The following SPTBN1 variants were observed in gnomAD, a reference collection of about 807,000 sequenced individuals.
The protein encoded by SPTBN1 is spectrin beta chain, non-erythrocytic 1.
Under a neutral mutation model 266.4 loss-of-function variants are expected in SPTBN1, and 32 were observed. The ratio of observed to expected loss-of-function variants is 0.12; its 90% CI spans 0.09 to 0.16. The LOEUF (loss-of-function observed/expected upper bound fraction) is 0.16. Among genes scored for constraint, SPTBN1 ranks in the 10% least tolerant of loss-of-function variants. The probability of loss-of-function intolerance (pLI) is 1.00; values close to 1 mark genes in which losing one functional copy is unlikely to be tolerated. For missense variants in SPTBN1, 2,296 were observed against 3,067.1 expected (o/e 0.75, Z 5.94); for synonymous variants, 1,336 against 1,162.2 (o/e 1.15, Z -3.04).
intron 3 of SPTBN1, 46 bp downstream of exon 3, chr2:54,599,289 A>G (rs755182423): frequency 6.3e-7 from 1 of 1,597,262 alleles, no homozygotes; most frequent in East Asian, 2.2e-5. Flanking sequence ...GGTGGAAAAT[A>G]TTTTTGAAAA....
rs757965817 is a variant in SPTBN1, at chr2:54,629,045, C to A, written c.1911C>A (p.Ser637=). The stretch of plus-strand genomic sequence containing the variant: ...AGCGCAGGGCCCGTCTGGAAGAGTC[C>A]CGCCGCCTCTGGAAGTTCTTCTGGG... ...AAERRARLEE[S]RRLWKFFWEM... The change falls in exon 14 of 36, where the codon TCC becomes TCA. Residue 637 remains serine (S), a synonymous_variant. Transcript: ENST00000356805. The A allele has an allele frequency of 5.6e-6, 9 of 1,613,636 alleles. No individual in the cohort carries two copies. Among genetic ancestry groups the A allele is most frequent in the Admixed American group, 5.0e-5 (3 of 60,006 alleles).
chr2:54,569,289 G>C (rs944384001), intron 2 of SPTBN1, among the ~76,000 whole-genome samples: 4 of 152,140 alleles, frequency 2.6e-5, no homozygotes, highest in Non-Finnish European at 5.9e-5. Context: ...GGGACTGGGG[G>C]TTGTTCTTTC....
At chr2:54,458,011 C>G (rs1693159687) in intron 1 of SPTBN1, among the ~76,000 whole-genome samples, 1 of 152,200 alleles carries the variant, frequency 6.6e-6, no homozygotes, top group Non-Finnish European at 1.5e-5. Context: ...TGTGCGGAGG[C>G]AATGTTGCAG....
chr2:54,584,132 T>G (rs1424435494), intron 2 of SPTBN1, among the ~76,000 whole-genome samples: 1 of 152,220 alleles, frequency 6.6e-6, no homozygotes, highest in African/African-American at 2.4e-5. Flanking sequence ...TACTGAATAT[T>G]ATACACTGTT....
At position 54,630,127 on chromosome 2, in the gene SPTBN1, G is replaced by T; in HGVS notation, c.2807+98G>T. The stretch of plus-strand genomic sequence containing the variant: ...TTGCTGTTGGGAATTTCCCACATGG[G>T]GTCATCGACATTGCAACACTGATGT... On this transcript the variant is annotated intron_variant, in intron 15 of 35. Transcript: ENST00000356805. 4.8e-6 allele frequency: 7 copies of T among 1,471,106 alleles called. No homozygotes were observed. The South Asian group carries it at 7.9e-5, about 17-fold the overall frequency. 91.1% of individuals were successfully genotyped at this position (1,471,106 alleles called of 1,614,324 possible).
chr2:54,654,795 C>T (rs757557008), intron 27 of SPTBN1, among the ~76,000 whole-genome samples: 12 of 152,168 alleles, frequency 7.9e-5, no homozygotes, highest in Non-Finnish European at 1.8e-4. Context: ...TTTTCTGGCA[C>T]CCACCTAGCA....
chr2:54,580,349 A>G (rs897765869), intron 2 of SPTBN1, among the ~76,000 whole-genome samples: 1 of 152,224 alleles, frequency 6.6e-6, no homozygotes, highest in Non-Finnish European at 1.5e-5. Flanking sequence ...AACTTTTAGC[A>G]AACCAGTAAT....
intron 1 of SPTBN1, among the ~76,000 whole-genome samples, chr2:54,464,484 A>G (rs927501829): frequency 1.3e-5 from 2 of 152,228 alleles, no homozygotes; most frequent in Non-Finnish European, 2.9e-5. Context: ...AAGGAAATAC[A>G]TTAAAATGTT....
intron 6 of SPTBN1, 29 bp downstream of exon 6, chr2:54,617,717 C>T (rs773095741): frequency 1.4e-5 from 23 of 1,608,624 alleles, no homozygotes; most frequent in Admixed American, 5.0e-5. Context: ...TCCTAGCAAT[C>T]GTGGGGTAAA....
intron 1 of SPTBN1, among the ~76,000 whole-genome samples, chr2:54,468,503 CATG>C (rs1244153609): frequency 6.6e-6 from 1 of 152,040 alleles, no homozygotes; most frequent in South Asian, 2.1e-4. Flanking sequence ...TCTATAATGA[CATG>C]ATGATGTTCA....
At chr2:54,489,073 C>T (rs150300478) in intron 1 of SPTBN1, among the ~76,000 whole-genome samples, 1 of 150,818 alleles carries the variant, frequency 6.6e-6, no homozygotes, top group East Asian at 1.9e-4. Flanking sequence ...GTAATCCCAG[C>T]ACTTGGGGAG....
intron 7 of SPTBN1, among the ~76,000 whole-genome samples, chr2:54,620,553 G>A (rs890499313): frequency 2.0e-5 from 3 of 152,182 alleles, no homozygotes; most frequent in African/African-American, 4.8e-5. Context: ...GGAGGCTGAG[G>A]TGAGAGGATT....
chr2:54,500,231 T>G (rs1456400549), intron 1 of SPTBN1, among the ~76,000 whole-genome samples: 5 of 152,240 alleles, frequency 3.3e-5, no homozygotes, highest in Admixed American at 2.0e-4. Context: ...GACTCATGTT[T>G]CAGGCAACAG....
rs1260058534 is a variant in SPTBN1, at chr2:54,653,470, T to C, written c.5578-139T>C. ...GTGACTTGGATCTCCCCAGTGAAAT[T>C]GAGGGCTCCTTAAGGGGCATGGGCC... On this transcript the variant is annotated intron_variant, in intron 26 of 35. Coordinates refer to ENST00000356805, the MANE Select transcript of SPTBN1 (RefSeq NM_003128.3). The surrounding 1 kb of genome is among the most constrained non-coding windows in gnomAD (Gnocchi z 5.1). 1.5e-6 allele frequency: 2 copies of C among 1,375,504 alleles called. No homozygotes were observed. Among genetic ancestry groups the C allele is most frequent in the Non-Finnish European group, 1.9e-6 (2 of 1,035,620 alleles). 85.2% of individuals were successfully genotyped at this position (1,375,504 alleles called of 1,614,324 possible).
intron 2 of SPTBN1, among the ~76,000 whole-genome samples, chr2:54,541,898 C>T (rs552171770): frequency 6.6e-6 from 1 of 152,150 alleles, no homozygotes; most frequent in Admixed American, 6.5e-5. Flanking sequence ...GTAGTGTTTA[C>T]GTGTACCACA....
chr2:54,613,896 C>A (rs114421944), intron 4 of SPTBN1, among the ~76,000 whole-genome samples: 1 of 152,294 alleles, frequency 6.6e-6, no homozygotes, highest in African/African-American at 2.4e-5. Flanking sequence ...TTAGCTTTGG[C>A]CTGCAATAAT....
At chr2:54,613,872 ATGT>A (rs778012766) in intron 4 of SPTBN1, among the ~76,000 whole-genome samples, 31 of 152,306 alleles carry the variant, frequency 2.0e-4, no homozygotes, top group South Asian at 4.1e-4. Context: ...ATGGAGTAAA[ATGT>A]TGTATTTCTG....
chr2:54,632,873 G>A, intron 17 of SPTBN1, 105 bp downstream of exon 17: 1 of 1,271,012 alleles, frequency 7.9e-7, no homozygotes, highest in Non-Finnish European at 1.1e-6. Context: ...ATTTCCCAGT[G>A]GGCAGAATAT....
intron 33 of SPTBN1, 143 bp from the exon 34 acceptor site, chr2:54,665,772 C>CTT: frequency 1.0e-6 from 1 of 968,830 alleles, no homozygotes; most frequent in Admixed American, 2.7e-5. Context: ...TTAGGAAGGG[C>CTT]TTGTAATAAG....
Sources: allele counts gnomAD v4.1 joint callset (sites outside exome capture counted in the v4.1 genomes callset), GRCh38; gene constraint gnomAD v4.1.1; non-coding constraint Gnocchi (gnomAD v3.1); transcripts MANE v1.5; gene names NCBI Gene and HGNC (gene_info 2026-07-23, HGNC 2026-07-21).